The following CCDC38 variants were observed in gnomAD, a reference collection of about 807,000 sequenced individuals.
The protein encoded by CCDC38 is coiled-coil domain-containing protein 38.
In CCDC38, 69 loss-of-function variants were observed where a neutral mutation model predicts 72.8. That is an observed-to-expected ratio of 0.95 (90% CI 0.78 to 1.16). CCDC38 has a LOEUF of 1.16. Ranked by LOEUF, CCDC38 falls within the 50% of genes most tolerant of loss-of-function variation. CCDC38 has a pLI of 0.00. For missense variants in CCDC38, 626 were observed against 638.9 expected (o/e 0.98, Z 0.22); for synonymous variants, 201 against 213.2 (o/e 0.94, Z 0.50).
chr12:95,870,855 A>G (rs953924691), intron 14 of CCDC38, among the ~76,000 whole-genome samples: 1 of 152,244 alleles, frequency 6.6e-6, no homozygotes, highest in African/African-American at 2.4e-5. Flanking sequence ...ACTGGCTAAT[A>G]TTTGAGTACT....
intron 13 of CCDC38, among the ~76,000 whole-genome samples, chr12:95,872,938 A>G (rs563958080): frequency 6.6e-6 from 1 of 152,346 alleles, no homozygotes; most frequent in African/African-American, 2.4e-5. Flanking sequence ...ATTATAATTT[A>G]TAGTCAGAGC....
chr12:95,943,129 A>C (rs979511368), upstream of CCDC38, among the ~76,000 whole-genome samples: 1 of 152,264 alleles, frequency 6.6e-6, no homozygotes, highest in African/African-American at 2.4e-5. Context: ...TAGGGACACT[A>C]GTCTCCATCT....
At chr12:95,940,056 G>A (rs1329903020) in intron 1 of CCDC38, among the ~76,000 whole-genome samples, 3 of 152,168 alleles carry the variant, frequency 2.0e-5, no homozygotes, top group Non-Finnish European at 4.4e-5. Context: ...TATATGCAAA[G>A]TGCCTGCTCA....
chr12:95,920,544 A>G (rs2080193387), intron 2 of CCDC38, among the ~76,000 whole-genome samples: 2 of 152,234 alleles, frequency 1.3e-5, no homozygotes, highest in Non-Finnish European at 2.9e-5. Flanking sequence ...GAAGTACAAT[A>G]TATGCTACAA....
At chr12:95,920,778 A>G (rs927899051) in intron 2 of CCDC38, among the ~76,000 whole-genome samples, 4 of 152,112 alleles carry the variant, frequency 2.6e-5, no homozygotes, top group Non-Finnish European at 4.4e-5. Flanking sequence ...AATTGGCTGT[A>G]GTGATGGTTG....
At chr12:95,878,479 G>T in intron 12 of CCDC38, 133 bp from the exon 13 acceptor site, 1 of 797,468 alleles carries the variant, frequency 1.3e-6, no homozygotes, top group Non-Finnish European at 2.0e-6. Context: ...TGTATTTGAA[G>T]ACATTGCCAA....
intron 4 of CCDC38, 30 bp downstream of exon 4, chr12:95,917,099 T>C: frequency 6.5e-7 from 1 of 1,539,808 alleles, no homozygotes; most frequent in Non-Finnish European, 8.7e-7. Context: ...ATATTCAAAA[T>C]GATGTTCTTA....
At chr12:95,907,429 C>T (rs541063299) in intron 4 of CCDC38, among the ~76,000 whole-genome samples, 10 of 114,722 alleles carry the variant, frequency 8.7e-5, no homozygotes, top group East Asian at 3.1e-4. Flanking sequence ...ACCTCCCGGA[C>T]GGGGCGGCTG....
chr12:95,898,653 C>CT lies in CCDC38; in HGVS notation c.447dup (p.Ala150SerfsTer8). On this transcript the variant is annotated frameshift_variant, in exon 6 of 16. Transcript: ENST00000344280. LOFTEE classifies it high-confidence loss of function. ...GCATCATCTTGGAGCTTTTTCTCTG[C>CT]TTTTTTTAGTTGCCGTTCCCTCATT... 6.2e-7 allele frequency: 1 copy of CT among 1,614,136 alleles called. No individual in the cohort carries two copies. The highest frequency in any genetic ancestry group is 8.5e-7 in the Non-Finnish European group (1 of 1,180,008).
At chr12:95,895,579 C>A (rs1028690455) in intron 7 of CCDC38, among the ~76,000 whole-genome samples, 4 of 151,676 alleles carry the variant, frequency 2.6e-5, no homozygotes, top group African/African-American at 9.7e-5. Flanking sequence ...TGGAGAAAAC[C>A]CGTCTTTACT....
chr12:95,913,987 G>A (rs896429215), intron 4 of CCDC38, among the ~76,000 whole-genome samples: 1 of 152,078 alleles, frequency 6.6e-6, no homozygotes, highest in African/African-American at 2.4e-5. Flanking sequence ...AAATACATAT[G>A]AAATCAGTCA....
At chr12:95,883,938 T>C (rs2079728983) in intron 10 of CCDC38, among the ~76,000 whole-genome samples, 1 of 152,228 alleles carries the variant, frequency 6.6e-6, no homozygotes, top group African/African-American at 2.4e-5. Context: ...AGAAGAACTT[T>C]CTTAACTTGA....
chr12:95,896,055 CAAAAA>C (rs1169899419), intron 7 of CCDC38, among the ~76,000 whole-genome samples: 1 of 73,044 alleles, frequency 1.4e-5, no homozygotes, highest in African/African-American at 5.0e-5. Flanking sequence ...GACTCTGTCT[CAAAAA>C]AAAAAAAAAA....
chr12:95,939,516 C>T (rs1252360834), intron 1 of CCDC38, among the ~76,000 whole-genome samples: 3 of 151,948 alleles, frequency 2.0e-5, no homozygotes, highest in Admixed American at 1.3e-4. Context: ...AGAGGTGGTC[C>T]GATTCTAGAT....
Position 95,892,362 on chromosome 12 carries a change from G to A in CCDC38, c.773-1432C>T, listed in dbSNP as rs2079838070. Among the ~76,000 whole-genome samples the A allele has an allele frequency of 3.8e-5, 5 of 132,364 alleles. No homozygotes were observed. In the Admixed American group the frequency reaches 4.4e-4, roughly 12 times the overall value. 86.8% of individuals were successfully genotyped at this position (132,364 alleles called of 152,430 possible). ...CGCAGTGGCATGATCATGGCTCACT[G>A]CAACTTCCTCCTCCTGGGCTCAAGC... On this transcript the variant is annotated intron_variant, in intron 8 of 15. Transcript: ENST00000344280.
At position 95,917,287 on chromosome 12, in the gene CCDC38, A is replaced by C. The variant is rs764916100; in HGVS notation, c.146T>G (p.Phe49Cys). 1.6e-5 allele frequency: 26 copies of C among 1,591,738 alleles called. No individual in the cohort carries two copies. The highest frequency in any genetic ancestry group is 2.1e-5 in the Non-Finnish European group (25 of 1,175,150). Residue 49 changes from phenylalanine to cysteine, a missense_variant, in exon 4 of 16, where the codon TTT (phenylalanine) becomes TGT (cysteine). By Grantham distance (205) the Phe-to-Cys change is radical. Coordinates refer to ENST00000344280, the MANE Select transcript of CCDC38 (RefSeq NM_182496.3). ...GTAGACTTTCATGTTACGGTTCATAAATTTTTCCTGCCCAAGTGGAAAAGT... is the reference window on the plus strand; with the variant it reads ...GTAGACTTTCATGTTACGGTTCATACATTTTTCCTGCCCAAGTGGAAAAGT... ...NEMAAKETEK[F>C]MNRNMKVYQK...
chr12:95,878,387 G>A, intron 12 of CCDC38, 41 bp from the exon 13 acceptor site: 1 of 1,592,734 alleles, frequency 6.3e-7, no homozygotes, highest in Non-Finnish European at 8.5e-7. Flanking sequence ...TGAAATTTGT[G>A]GTTAGTGAAA....
At chr12:95,887,841 T>C (rs1397569684) in intron 10 of CCDC38, among the ~76,000 whole-genome samples, 4 of 152,168 alleles carry the variant, frequency 2.6e-5, no homozygotes, top group Non-Finnish European at 5.9e-5. Context: ...TACAAAAAAA[T>C]CTGTGCCAAA....
At chr12:95,875,360 TACTTGA>T (rs931834157) in intron 13 of CCDC38, among the ~76,000 whole-genome samples, 3 of 152,326 alleles carry the variant, frequency 2.0e-5, no homozygotes, top group Admixed American at 6.5e-5. Context: ...CATTACATTA[TACTTGA>T]ACTTAAAATG....
Sources: gnomAD v4.1 joint callset for allele counts (sites outside exome capture counted in the v4.1 genomes callset) on GRCh38, gnomAD v4.1.1 for gene constraint, MANE v1.5 for transcripts, NCBI Gene and HGNC (gene_info 2026-07-23, HGNC 2026-07-21) for gene names.